PRKCB: variants seen among roughly 807,000 people sequenced by gnomAD.
PRKCB encodes the protein protein kinase C beta, also known as protein kinase C beta type.
PRKCB carries 13 observed loss-of-function variants against 81.5 expected under a neutral mutation model. The ratio of observed to expected loss-of-function variants is 0.16; its 90% CI spans 0.10 to 0.25. PRKCB has a LOEUF of 0.25. Ranked by LOEUF, PRKCB falls within the 10% of genes least tolerant of loss-of-function variation. The pLI, the probability that PRKCB is intolerant of heterozygous loss-of-function variation, is 1.00. For synonymous variants in PRKCB, 335 were observed against 321.4 expected (o/e 1.04, Z -0.45); for missense variants, 509 against 875.7 (o/e 0.58, Z 5.29).
chr16:23,986,468 T>C (rs1964805480), intron 2 of PRKCB, among the ~76,000 whole-genome samples: 2 of 151,972 alleles, frequency 1.3e-5, no homozygotes, highest in Admixed American at 1.3e-4. Context: ...CCCAGGTTGG[T>C]CTTAAACTCC....
rs555500508 is a variant in PRKCB at position 23,893,589 on chromosome 16, G to A, written c.205+56183G>A. On this transcript the variant is annotated intron_variant, in intron 2 of 16. Transcript: ENST00000643927. The stretch of plus-strand genomic sequence containing the variant: ...TTAAAAAGGAAAAAAACCATCCGGC[G>A]TTGTTAACATTTTTGTTATTCCAGT... 5.3e-5 allele frequency: 8 copies of A among 152,320 alleles called. No homozygotes were observed. The South Asian group carries it at 6.2e-4, about 12-fold the overall frequency. 9.4% of individuals were successfully genotyped at this position (152,320 alleles called of 1,614,324 possible).
intron 3 of PRKCB, among the ~76,000 whole-genome samples, chr16:24,021,036 C>CTT (rs1421407329): frequency 1.4e-5 from 2 of 138,578 alleles, no homozygotes; most frequent in African/African-American, 5.6e-5. Context: ...TTCTTTCTTT[C>CTT]TTTCTCTTTC....
At chr16:24,190,525 T>G (rs1967774141) in intron 15 of PRKCB, among the ~76,000 whole-genome samples, 10 of 142,188 alleles carry the variant, frequency 7.0e-5, no homozygotes, top group Admixed American at 7.0e-4. Flanking sequence ...TTTGGTTTTG[T>G]TTTTTTTTTT....
chr16:24,137,940 G>A (rs560314812), intron 9 of PRKCB, among the ~76,000 whole-genome samples: 59 of 152,260 alleles, frequency 3.9e-4, no homozygotes, highest in Middle Eastern at 3.4e-3. Context: ...ACACCACTGC[G>A]GAGATTGATA....
intron 9 of PRKCB, among the ~76,000 whole-genome samples, chr16:24,124,915 A>C (rs1173806637): frequency 6.6e-6 from 1 of 152,122 alleles, no homozygotes; most frequent in African/African-American, 2.4e-5. Context: ...CCTTCAAAGT[A>C]TATCATGTAT....
chr16:24,130,114 A>G (rs755907514), intron 9 of PRKCB, among the ~76,000 whole-genome samples: 5 of 152,354 alleles, frequency 3.3e-5, no homozygotes, highest in Non-Finnish European at 4.4e-5. Context: ...TTCAGCATGT[A>G]TACCATTTAA....
intron 16 of PRKCB, among the ~76,000 whole-genome samples, chr16:24,201,090 A>G (rs1221685770): frequency 6.6e-6 from 1 of 151,838 alleles, no homozygotes; most frequent in Non-Finnish European, 1.5e-5. Context: ...CCCAGCTTCC[A>G]TCTCTGTCTT....
At chr16:24,013,870 G>T (rs992165744) in intron 3 of PRKCB, among the ~76,000 whole-genome samples, 1 of 152,040 alleles carries the variant, frequency 6.6e-6, no homozygotes, top group Admixed American at 6.6e-5. Flanking sequence ...GGGCCTGCTG[G>T]TTCAGGGTCA....
intron 5 of PRKCB, among the ~76,000 whole-genome samples, chr16:24,083,045 A>C (rs1351728349): frequency 1.3e-5 from 2 of 152,184 alleles, no homozygotes; most frequent in South Asian, 2.1e-4. Context: ...CACTTTACCA[A>C]ATAATACAAG....
At chr16:24,000,799 CA>C (rs1965023493) in intron 3 of PRKCB, among the ~76,000 whole-genome samples, 1 of 152,150 alleles carries the variant, frequency 6.6e-6, no homozygotes, top group Middle Eastern at 3.2e-3. Context: ...TCCATTACTT[CA>C]CACAAACCTC....
At position 24,049,066 on chromosome 16, in the gene PRKCB, T is replaced by G. The variant is rs1222432965; in HGVS notation, c.529+13519T>G. 7.7e-5 allele frequency among the ~76,000 whole-genome samples: 11 copies of G among 143,372 alleles called. 1 individual carries two copies. In the South Asian group the frequency reaches 1.2e-3, roughly 15 times the overall value. The allele number at this position is 143,372 out of a possible 152,430, so 94.1% of individuals were successfully genotyped here. ...TGGCCTGTTTTTTTTTTTTTTTTTT[T>G]TTTTTTTTTTTGCAGAAAGACAGAT... On this transcript the variant is annotated intron_variant, in intron 5 of 16. Coordinates refer to ENST00000643927, the MANE Select transcript of PRKCB (RefSeq NM_002738.7).
Position 24,215,988 on chromosome 16 carries a change from A to T in PRKCB, c.*1172A>T, listed in dbSNP as rs79997806. The T allele has an allele frequency of 4.1e-5, 17 of 417,146 alleles. No individual in the cohort carries two copies. The highest frequency in any genetic ancestry group is 5.4e-4 in the East Asian group (2 of 3,692). 25.8% of individuals were successfully genotyped at this position (417,146 alleles called of 1,614,324 possible). A position where few individuals can be genotyped will look rare whatever the true frequency, so the allele number is the denominator to read the frequency against. The stretch of plus-strand genomic sequence containing the variant: ...TTTCTTCTAGCATCGAGATACAATA[A>T]AAAAAAAAAAAAAGAAAAGAAGAAG... On this transcript the variant is annotated 3_prime_UTR_variant, in exon 17 of 17. Coordinates refer to ENST00000643927, the MANE Select transcript of PRKCB (RefSeq NM_002738.7).
intron 3 of PRKCB, among the ~76,000 whole-genome samples, chr16:24,020,168 T>C (rs986965640): frequency 6.6e-6 from 1 of 152,228 alleles, no homozygotes; most frequent in Non-Finnish European, 1.5e-5. Context: ...GGGATGAACA[T>C]TTAAAATTTT....
intron 5 of PRKCB, among the ~76,000 whole-genome samples, chr16:24,060,633 C>T (rs981535951): frequency 9.2e-5 from 14 of 152,196 alleles, no homozygotes; most frequent in African/African-American, 3.4e-4. Flanking sequence ...CCTGAGGGAG[C>T]TGCAGTGCCC....
chr16:23,889,424 A>G (rs770534909), intron 2 of PRKCB, among the ~76,000 whole-genome samples: 1 of 152,274 alleles, frequency 6.6e-6, no homozygotes, highest in Non-Finnish European at 1.5e-5. Flanking sequence ...CCTGGGTCAT[A>G]GCAGTGCTAT....
intron 16 of PRKCB, among the ~76,000 whole-genome samples, chr16:24,198,421 C>G (rs1967909963): frequency 6.6e-6 from 1 of 152,190 alleles, no homozygotes; most frequent in Non-Finnish European, 1.5e-5. Flanking sequence ...CAGAAGACAA[C>G]CCAGGTAGCA....
At position 24,071,595 on chromosome 16, in the gene PRKCB, T is replaced by C. The variant is rs79085183; in HGVS notation, c.530-21196T>C. Among the ~76,000 whole-genome samples the C allele has an allele frequency of 4.8e-3, 735 of 152,024 alleles. 4 individuals are homozygous for C. Among genetic ancestry groups the C allele is most frequent in the African/African-American group, 0.017 (704 of 41,472 alleles). On this transcript the variant is annotated intron_variant, in intron 5 of 16. Coordinates refer to ENST00000643927, the MANE Select transcript of PRKCB (RefSeq NM_002738.7). ...ACAGGGCCAGTGGTTCTACTTGTGATTGGGGGTAAAGGTCCTAGGGTAGTA... is the reference window on the plus strand; with the variant it reads ...ACAGGGCCAGTGGTTCTACTTGTGACTGGGGGTAAAGGTCCTAGGGTAGTA...
chr16:24,158,024 A>G (rs925748515), intron 10 of PRKCB, among the ~76,000 whole-genome samples: 2 of 152,198 alleles, frequency 1.3e-5, no homozygotes, highest in African/African-American at 2.4e-5. Context: ...CAAGGATGGA[A>G]CAGATTGCTT....
intron 2 of PRKCB, among the ~76,000 whole-genome samples, chr16:23,900,033 A>G (rs1963445164): frequency 6.6e-6 from 1 of 152,088 alleles, no homozygotes. Flanking sequence ...AATTTAACTC[A>G]AGTGATTTTG....
Sources: allele counts gnomAD v4.1 joint callset (sites outside exome capture counted in the v4.1 genomes callset), GRCh38; gene constraint gnomAD v4.1.1; transcripts MANE v1.5; gene names NCBI Gene and HGNC (gene_info 2026-07-23, HGNC 2026-07-21).